Variants in SUSD4 observed in about 807,000 individuals in gnomAD.
The protein encoded by SUSD4 is sushi domain-containing protein 4.
A neutral mutation model predicts 50.5 loss-of-function variants in SUSD4; 41 were observed. The observed-to-expected ratio is 0.81, with a 90% CI of 0.63 to 1.05. The LOEUF (loss-of-function observed/expected upper bound fraction) is 1.05, where lower values mean the gene tolerates loss of function less well. SUSD4 is among the 50% of genes least tolerant of loss of function. The pLI, the probability that SUSD4 is intolerant of heterozygous loss-of-function variation, is 0.00. For missense variants in SUSD4, 580 were observed against 634.7 expected, an observed-to-expected ratio of 0.91 and a Z score of 0.93; for synonymous variants, 257 against 257.3, an observed-to-expected ratio of 1.00 and a Z score of 0.01.
At chr1:223,365,125 G>A (rs1669243521), upstream of SUSD4, among the ~76,000 whole-genome samples, 1 of 152,106 alleles carries the variant, frequency 6.6e-6, no homozygotes, top group Non-Finnish European at 1.5e-5. Context: ...TTCCGGGGTC[G>A]TAGATGGGAA....
At chr1:223,263,838 C>T (rs1662291394) in intron 5 of SUSD4, 1 of 985,358 alleles carries the variant, frequency 1.0e-6, no homozygotes, top group South Asian at 4.7e-5. Context: ...CCAAACAAGG[C>T]TGCAAATAGG....
At chr1:223,352,109 A>G (rs952175850) in intron 2 of SUSD4, among the ~76,000 whole-genome samples, 1 of 152,156 alleles carries the variant, frequency 6.6e-6, no homozygotes, top group Non-Finnish European at 1.5e-5. Context: ...GAAATTGAGA[A>G]ACAGCAATTT....
intron 3 of SUSD4, among the ~76,000 whole-genome samples, chr1:223,288,098 G>A (rs547793828): frequency 6.6e-6 from 1 of 152,284 alleles, no homozygotes; most frequent in East Asian, 1.9e-4. Flanking sequence ...ATATGGTTTG[G>A]CTCTGTGTTC....
chr1:223,360,329 G>A, intron 2 of SUSD4: 1 of 445,484 alleles, frequency 2.2e-6, no homozygotes, highest in Non-Finnish European at 4.6e-6. Flanking sequence ...AGAAAGGGGA[G>A]AAACAGCTGA....
chr1:223,232,387 G>A (rs771061200), intron 5 of SUSD4, among the ~76,000 whole-genome samples: 4 of 151,328 alleles, frequency 2.6e-5, no homozygotes, highest in Non-Finnish European at 3.0e-5. Context: ...ACATCATGTT[G>A]TACACCTTAA....
intron 2 of SUSD4, among the ~76,000 whole-genome samples, chr1:223,349,893 C>G (rs1490998194): frequency 6.6e-6 from 1 of 152,180 alleles, no homozygotes; most frequent in African/African-American, 2.4e-5. Context: ...ACATTGAAGC[C>G]TTAACCCCCA....
chr1:223,240,038 A>G (rs558221775), intron 5 of SUSD4, among the ~76,000 whole-genome samples: 1 of 151,912 alleles, frequency 6.6e-6, no homozygotes, highest in Non-Finnish European at 1.5e-5. Flanking sequence ...CTGAACGTTA[A>G]TTTTTGTGGG....
chr1:223,253,776 T>C (rs1488869924), intron 5 of SUSD4, among the ~76,000 whole-genome samples: 7 of 152,202 alleles, frequency 4.6e-5, no homozygotes, highest in Admixed American at 3.3e-4. Context: ...ATAGAGAAGA[T>C]ACTCTAGAGT....
chr1:223,318,192 AT>A (rs1179149466), intron 2 of SUSD4, among the ~76,000 whole-genome samples: 1 of 26,890 alleles, frequency 3.7e-5, no homozygotes, highest in East Asian at 7.7e-4. Flanking sequence ...TGAACTCATC[AT>A]TTTTTATGGC....
intron 2 of SUSD4, among the ~76,000 whole-genome samples, chr1:223,315,784 G>A (rs1044169894): frequency 5.9e-5 from 9 of 152,164 alleles, no homozygotes; most frequent in East Asian, 1.9e-4. Flanking sequence ...TGATCACTAC[G>A]GCAGCTGCTC....
At chr1:223,345,532 C>T (rs1206870285) in intron 2 of SUSD4, among the ~76,000 whole-genome samples, 1 of 152,146 alleles carries the variant, frequency 6.6e-6, no homozygotes, top group African/African-American at 2.4e-5. Context: ...CAGGGGGATC[C>T]CTCACAGTCC....
intron 1 of SUSD4, 135 bp downstream of exon 1, chr1:223,363,922 A>C (rs1438684980): frequency 6.6e-6 from 1 of 151,096 alleles, no homozygotes; most frequent in Admixed American, 6.6e-5. Context: ...CCCAGTCCCC[A>C]GTGAGATTTC....
intron 2 of SUSD4, among the ~76,000 whole-genome samples, chr1:223,294,344 G>A (rs951881025): frequency 5.9e-5 from 9 of 152,184 alleles, no homozygotes; most frequent in African/African-American, 2.2e-4. Flanking sequence ...GGTTTACCTG[G>A]TTCCCAGGAG....
intron 2 of SUSD4, among the ~76,000 whole-genome samples, chr1:223,336,087 A>G (rs565939662): frequency 6.6e-6 from 1 of 152,198 alleles, no homozygotes; most frequent in African/African-American, 2.4e-5. Flanking sequence ...CAAGATGTAA[A>G]TAATGACAGG....
intron 2 of SUSD4, among the ~76,000 whole-genome samples, chr1:223,357,782 A>G (rs186740605): frequency 2.0e-5 from 3 of 152,334 alleles, no homozygotes; most frequent in Admixed American, 1.3e-4. Context: ...ATGAGAATGG[A>G]CCAATAAATC....
At chr1:223,274,423 T>A (rs1468390572) in intron 3 of SUSD4, among the ~76,000 whole-genome samples, 2 of 152,200 alleles carry the variant, frequency 1.3e-5, no homozygotes, top group African/African-American at 4.8e-5. Context: ...TTCTTTCATA[T>A]TTAAAGGACA....
At chr1:223,354,061 A>G (rs560506143) in intron 2 of SUSD4, among the ~76,000 whole-genome samples, 140 of 152,092 alleles carry the variant, frequency 9.2e-4, no homozygotes, top group Non-Finnish European at 1.5e-3. Context: ...AGTAGCAAAA[A>G]GAAAAGGTTC....
chr1:223,298,353 T>A (rs2103170433), intron 2 of SUSD4, among the ~76,000 whole-genome samples: 1 of 152,242 alleles, frequency 6.6e-6, no homozygotes, highest in African/African-American at 2.4e-5. Flanking sequence ...ACACACTCTC[T>A]CCTAACACCC....
At chr1:223,331,347 C>A (rs1667160374) in intron 2 of SUSD4, among the ~76,000 whole-genome samples, 1 of 152,136 alleles carries the variant, frequency 6.6e-6, no homozygotes, top group Non-Finnish European at 1.5e-5. Flanking sequence ...TTGCCCTGGG[C>A]CACTGAGGTT....
Sources: gnomAD v4.1 joint callset for allele counts (sites outside exome capture counted in the v4.1 genomes callset) on GRCh38, gnomAD v4.1.1 for gene constraint, MANE v1.5 for transcripts, NCBI Gene and HGNC (gene_info 2026-07-23, HGNC 2026-07-21) for gene names.